ADAM2: variants seen among roughly 807,000 people sequenced by gnomAD.
ADAM2 encodes disintegrin and metalloproteinase domain-containing protein 2.
Under a neutral mutation model 99.3 loss-of-function variants are expected in ADAM2, and 101 were observed. That is an observed-to-expected ratio of 1.02 (90% CI 0.87 to 1.20). The LOEUF is 1.20. ADAM2 is among the 50% of genes most tolerant of loss of function. The probability of loss-of-function intolerance (pLI) is 0.00; values close to 1 mark genes in which losing one functional copy is unlikely to be tolerated. For missense variants in ADAM2, 948 were observed against 878.7 expected, an observed-to-expected ratio of 1.08 and a Z score of -1.00; for synonymous variants, 323 against 287.6, an observed-to-expected ratio of 1.12 and a Z score of -1.25.
At chr8:39,807,993 G>T (rs1371012819) in intron 7 of ADAM2, among the ~76,000 whole-genome samples, 2 of 152,016 alleles carry the variant, frequency 1.3e-5, no homozygotes, top group Admixed American at 6.6e-5. Context: ...CACATTAAAT[G>T]GTGAATCTAT....
rs1802515919 is a variant in ADAM2 at position 39,765,026 on chromosome 8, A to AAAT, written c.1507+1821_1507+1822insATT. Among the ~76,000 whole-genome samples the AAAT allele has an allele frequency of 2.8e-5, 4 of 145,252 alleles. No individual in the cohort carries two copies. In the Admixed American group the frequency reaches 2.8e-4, roughly 10 times the overall value. On this transcript the variant is annotated intron_variant, in intron 14 of 20. Coordinates refer to ENST00000265708, the MANE Select transcript of ADAM2 (RefSeq NM_001464.5). ...CGACAGAGCAAGACTCCGGCTCCAA[A>AAAT]AAATAAATAAATAAATAAATAAATA...
In ADAM2 at chr8:39,811,988, G is replaced by T. The variant is rs183355539; in HGVS notation, c.514-2522C>A. 1.2e-4 allele frequency among the ~76,000 whole-genome samples: 18 copies of T among 152,266 alleles called. No homozygotes were observed. In the East Asian group the frequency reaches 3.1e-3, roughly 26 times the overall value. Reference sequence around the variant, plus strand: ...AATTAGGAAGAGGGGAAGTTAAATTGTCCCTGTTTGCAGATGACATGATTG... The same window carrying T: ...AATTAGGAAGAGGGGAAGTTAAATTTTCCCTGTTTGCAGATGACATGATTG... On this transcript the variant is annotated intron_variant, in intron 6 of 20. Coordinates refer to ENST00000265708, the MANE Select transcript of ADAM2 (RefSeq NM_001464.5).
At chr8:39,756,264 C>T (rs987288468) in intron 15 of ADAM2, among the ~76,000 whole-genome samples, 1 of 152,086 alleles carries the variant, frequency 6.6e-6, no homozygotes, top group Non-Finnish European at 1.5e-5. Context: ...CAAACCCAAG[C>T]TCAAATGAAT....
At chr8:39,784,171 A>G (rs887187054) in intron 10 of ADAM2, among the ~76,000 whole-genome samples, 13 of 152,190 alleles carry the variant, frequency 8.5e-5, no homozygotes, top group African/African-American at 2.9e-4. Context: ...ATTCTCTTCA[A>G]CATCTTACTT....
At chr8:39,771,319 C>T (rs1802772558) in intron 11 of ADAM2, among the ~76,000 whole-genome samples, 1 of 152,176 alleles carries the variant, frequency 6.6e-6, no homozygotes, top group Non-Finnish European at 1.5e-5. Context: ...CCTTTATTCC[C>T]CTTACTGACA....
rs2129589390 is a variant in ADAM2 at position 39,833,999 on chromosome 8, C to T, written c.133G>A (p.Ala45Thr). 2.6e-6 allele frequency: 4 copies of T among 1,562,724 alleles called. No individual in the cohort carries two copies. Among genetic ancestry groups the T allele is most frequent in the South Asian group, 1.1e-5 (1 of 88,780 alleles). ...CCTTCAATTACAATTTTGTAGGATG[C>T]CTGGCAGGAGAGCACAGTAAAAATA... is the stretch of plus-strand genomic sequence containing the variant. ...SIIKEGIESQ[A>T]SYKIVIEGKP... Residue 45 changes from alanine to threonine, a missense_variant and splice_region_variant, in exon 3 of 21, where the codon GCA becomes ACA. Coordinates refer to ENST00000265708, the MANE Select transcript of ADAM2 (RefSeq NM_001464.5).
At chr8:39,829,560 A>G (rs1026187673) in intron 3 of ADAM2, among the ~76,000 whole-genome samples, 2 of 151,990 alleles carry the variant, frequency 1.3e-5, no homozygotes, top group Admixed American at 1.3e-4. Flanking sequence ...TATTAATAGA[A>G]TATATAATTC....
Position 39,788,075 on chromosome 8 carries a change from A to T in ADAM2, c.809+10T>A. 4 of 1,471,290 alleles carry T rather than the reference A, an allele frequency of 2.7e-6. No homozygotes were observed. The highest frequency in any genetic ancestry group is 3.6e-6 in the Non-Finnish European group (4 of 1,108,856). The allele number at this position is 1,471,290 out of a possible 1,614,324, so 91.1% of individuals were successfully genotyped here. On this transcript the variant is annotated intron_variant, in intron 9 of 20. Transcript: ENST00000265708. The stretch of plus-strand genomic sequence containing the variant: ...CAGATAAACTTTATATAATGTCAAG[A>T]TATCCTTACACAAGTAAAAATGCCA...
At chr8:39,783,681 G>A (rs571096539) in intron 10 of ADAM2, among the ~76,000 whole-genome samples, 1 of 152,292 alleles carries the variant, frequency 6.6e-6, no homozygotes, top group African/African-American at 2.4e-5. Context: ...GCCAGGCACA[G>A]TGGCTCATTC....
intron 16 of ADAM2, among the ~76,000 whole-genome samples, chr8:39,752,679 C>T (rs556575786): frequency 4.6e-5 from 7 of 152,260 alleles, no homozygotes; most frequent in African/African-American, 1.4e-4. Flanking sequence ...CCCACAATAA[C>T]GACAGTGTCA....
intron 19 of ADAM2, among the ~76,000 whole-genome samples, chr8:39,746,192 A>C (rs1823440635): frequency 6.6e-6 from 1 of 151,818 alleles, no homozygotes; most frequent in Admixed American, 6.6e-5. Flanking sequence ...CGCCTGGCTA[A>C]TTTTTGTATA....
intron 4 of ADAM2, among the ~76,000 whole-genome samples, chr8:39,824,352 T>TA (rs149523551): frequency 0.023 from 3,464 of 151,954 alleles, 138 homozygotes; most frequent in African/African-American, 0.079. Context: ...TATTATTTTT[T>TA]AAAAAAATTA....
At chr8:39,803,482 A>G (rs1375864340) in intron 7 of ADAM2, among the ~76,000 whole-genome samples, 1 of 152,204 alleles carries the variant, frequency 6.6e-6, no homozygotes, top group Admixed American at 6.5e-5. Context: ...CCGTACAAGC[A>G]GAGTGATCTC....
intron 12 of ADAM2, among the ~76,000 whole-genome samples, chr8:39,768,245 A>G (rs1802644132): frequency 6.6e-6 from 1 of 152,182 alleles, no homozygotes; most frequent in Admixed American, 6.5e-5. Context: ...CAACCAAGCA[A>G]AAACAAGTGG....
At chr8:39,786,198 C>T (rs978183207) in intron 10 of ADAM2, among the ~76,000 whole-genome samples, 2 of 152,176 alleles carry the variant, frequency 1.3e-5, no homozygotes, top group African/African-American at 2.4e-5. Flanking sequence ...GGGTACTATG[C>T]TCAGTACCTG....
At position 39,744,888 on chromosome 8, in the gene ADAM2, G is replaced by C; in HGVS notation, c.2180C>G (p.Pro727Arg). 6.2e-7 allele frequency: 1 copy of C among 1,600,670 alleles called. No homozygotes were observed. Among genetic ancestry groups the C allele is most frequent in the East Asian group, 2.2e-5 (1 of 44,580 alleles). The change falls in exon 20 of 21, where the codon CCT (proline) becomes CGT (arginine). Residue 727 changes from proline (P) to arginine (R), a missense_variant. Pro to Arg is a moderately radical substitution (Grantham distance 103). Transcript: ENST00000265708. ...RTEDYSSDEQPESESEPKG is the reference protein window; with the variant it reads ...RTEDYSSDEQRESESEPKG The stretch of plus-strand genomic sequence containing the variant: ...CCCTTTAGGTTCACTCTCACTTTCA[G>C]GTTGCCTGCATATTAAAAATAAAAA...
At chr8:39,821,515 A>C in intron 5 of ADAM2, 71 bp downstream of exon 5, 1 of 1,198,742 alleles carries the variant, frequency 8.3e-7, no homozygotes, top group Non-Finnish European at 1.2e-6. Context: ...ACTGAATATT[A>C]TGTTAAAATG....
At chr8:39,832,325 C>G (rs1019045615) in intron 3 of ADAM2, among the ~76,000 whole-genome samples, 2 of 152,094 alleles carry the variant, frequency 1.3e-5, no homozygotes, top group African/African-American at 2.4e-5. Flanking sequence ...GTTGGCCATG[C>G]CTGAAACTAA....
At chr8:39,755,532 G>A (rs1451273678) in intron 16 of ADAM2, among the ~76,000 whole-genome samples, 196 bp downstream of exon 16, 7 of 152,046 alleles carry the variant, frequency 4.6e-5, no homozygotes, top group Admixed American at 2.6e-4. Flanking sequence ...AAAATTAGCC[G>A]GGTGTGGTGG....
Sources: allele counts gnomAD v4.1 joint callset (sites outside exome capture counted in the v4.1 genomes callset), GRCh38; gene constraint gnomAD v4.1.1; transcripts MANE v1.5; gene names NCBI Gene and HGNC (gene_info 2026-07-23, HGNC 2026-07-21).